Variants in RYR2 observed in about 807,000 individuals in gnomAD.
RYR2 encodes ryanodine receptor 2, also known as cardiac muscle ryanodine receptor-calcium release channel.
A neutral mutation model predicts 601.1 loss-of-function variants in RYR2; 227 were observed. The ratio of observed to expected loss-of-function variants is 0.38; its 90% confidence interval spans 0.34 to 0.42. RYR2 has a LOEUF of 0.42. Among genes scored for constraint, RYR2 ranks in the 10% least tolerant of loss-of-function variants. The probability of loss-of-function intolerance (pLI) is 1.00; values close to 1 mark genes in which losing one functional copy is unlikely to be tolerated. For missense variants in RYR2, 4,646 were observed against 6,156.5 expected, an observed-to-expected ratio of 0.75 and a Z score of 8.21; for synonymous variants, 2,223 against 2,175.1, an observed-to-expected ratio of 1.02 and a Z score of -0.61.
chr1:237,329,297 C>T (rs1366590095), intron 2 of RYR2, among the ~76,000 whole-genome samples: 1 of 152,026 alleles, frequency 6.6e-6, no homozygotes, highest in Non-Finnish European at 1.5e-5. Flanking sequence ...TTCCTCCTGC[C>T]TCAGCCCTCT....
At chr1:237,367,388 G>A (rs1402261794) in intron 5 of RYR2, among the ~76,000 whole-genome samples, 1 of 130,956 alleles carries the variant, frequency 7.6e-6, no homozygotes, top group East Asian at 2.4e-4. Context: ...CACTGCGTCT[G>A]GCCCCCCAAA....
chr1:237,749,360 T>C (rs1410131502), intron 80 of RYR2, among the ~76,000 whole-genome samples: 1 of 152,198 alleles, frequency 6.6e-6, no homozygotes, highest in African/African-American at 2.4e-5. Context: ...AGGGTTGTTA[T>C]GAGGACTAAA....
intron 4 of RYR2, among the ~76,000 whole-genome samples, chr1:237,361,102 A>G (rs1699750468): frequency 2.0e-5 from 3 of 152,186 alleles, no homozygotes. Context: ...CTGGCCTCCC[A>G]AAGTGCTGGG....
intron 100 of RYR2, among the ~76,000 whole-genome samples, chr1:237,817,652 G>C (rs1661982786): frequency 6.6e-6 from 1 of 152,186 alleles, no homozygotes; most frequent in East Asian, 1.9e-4. Context: ...AACTGGGAAA[G>C]GTCCCCCAAG....
At chr1:237,565,161 T>C (rs867729869) in intron 27 of RYR2, among the ~76,000 whole-genome samples, 1,537 of 25,228 alleles carry the variant, frequency 0.061, 12 homozygotes, top group East Asian at 0.1. Flanking sequence ...TTCTTTCTCT[T>C]TCTTTCTTTC....
intron 1 of RYR2, among the ~76,000 whole-genome samples, chr1:237,148,521 AAAAAAAATATATATATAT>A (rs1450737099): frequency 2.3e-5 from 1 of 44,004 alleles, no homozygotes; most frequent in Non-Finnish European, 4.7e-5. Context: ...CAAGTAAAAA[AAAAAAAATATATATATAT>A]ATATATATAT....
chr1:237,434,963 A>G (rs1376024885), intron 12 of RYR2, among the ~76,000 whole-genome samples: 1 of 152,012 alleles, frequency 6.6e-6, no homozygotes, highest in African/African-American at 2.4e-5. Context: ...TTTAGTAGAG[A>G]CGGGGTTTCG....
At chr1:237,606,827 CTCA>C (rs578146712) in intron 35 of RYR2, among the ~76,000 whole-genome samples, 2 of 152,280 alleles carry the variant, frequency 1.3e-5, no homozygotes, top group Admixed American at 1.3e-4. Context: ...CGAAAAAATG[CTCA>C]TCATCAATGG....
intron 48 of RYR2, among the ~76,000 whole-genome samples, chr1:237,643,929 T>A (rs1340729050): frequency 6.6e-6 from 1 of 152,160 alleles, no homozygotes; most frequent in East Asian, 1.9e-4. Flanking sequence ...TCCATTGTTT[T>A]TAAAGCTCAT....
chr1:237,747,029 C>T (rs1225129057), intron 80 of RYR2, among the ~76,000 whole-genome samples: 1 of 151,942 alleles, frequency 6.6e-6, no homozygotes, highest in Admixed American at 6.6e-5. Context: ...TCTTTTATTG[C>T]TCTTCTCTAA....
At chr1:237,795,363 T>G in intron 96 of RYR2, 32 bp downstream of exon 96, 1 of 1,157,244 alleles carries the variant, frequency 8.6e-7, no homozygotes, top group Non-Finnish European at 1.2e-6. Context: ...TACATTTTTC[T>G]TAAAGCACAG....
rs370384210 is a variant in RYR2, at chr1:237,271,148, T to C, written c.168+532T>C. ...TTTTTTTTTTCCTCAAAGTGTTATC[T>C]CTTGCATTGATCATAAAGGGCAAAG... On this transcript the variant is annotated intron_variant, in intron 2 of 104. Transcript: ENST00000366574. 1.3e-4 allele frequency among the ~76,000 whole-genome samples: 20 copies of C among 152,224 alleles called. 1 individual carries two copies. The South Asian group carries it at 3.9e-3, about 30-fold the overall frequency.
rs1201517059 is a variant in RYR2, at chr1:237,126,765, TA to T, written c.48+84197del. ...AGACTTATGGAAAGAATTTTTATTT[TA>T]TTTTTTTTATTTATTTATTTTTTTA... is the stretch of plus-strand genomic sequence containing the variant. On this transcript the variant is annotated intron_variant, in intron 1 of 104. Coordinates refer to ENST00000366574, the MANE Select transcript of RYR2 (RefSeq NM_001035.3). 3.3e-5 allele frequency among the ~76,000 whole-genome samples: 5 copies of T among 152,130 alleles called. No individual in the cohort carries two copies. In the South Asian group the frequency reaches 6.2e-4, roughly 19 times the overall value.
intron 1 of RYR2, among the ~76,000 whole-genome samples, chr1:237,134,357 A>C (rs1672518493): frequency 6.6e-6 from 1 of 152,180 alleles, no homozygotes; most frequent in Admixed American, 6.5e-5. Context: ...TTTACAAAGG[A>C]AAGAGGTTTA....
intron 54 of RYR2, among the ~76,000 whole-genome samples, chr1:237,659,574 T>TG (rs948462329): frequency 2.0e-5 from 3 of 152,202 alleles, no homozygotes; most frequent in Non-Finnish European, 4.4e-5. Context: ...ACTTCATAGG[T>TG]GGGGTCCCAA....
intron 101 of RYR2, 75 bp from the exon 102 acceptor site, chr1:237,828,306 C>G: frequency 9.5e-7 from 1 of 1,056,828 alleles, no homozygotes; most frequent in Non-Finnish European, 1.4e-6. Flanking sequence ...CTCCCCTTTC[C>G]CTGGGGGGAT....
intron 3 of RYR2, among the ~76,000 whole-genome samples, chr1:237,341,464 G>GCATT (rs1356048436): frequency 6.6e-6 from 1 of 152,058 alleles, no homozygotes; most frequent in Non-Finnish European, 1.5e-5. Context: ...ACTCCTTCCT[G>GCATT]CATTTTTTTG....
chr1:237,132,631 A>G (rs887535168), intron 1 of RYR2, among the ~76,000 whole-genome samples: 10 of 152,204 alleles, frequency 6.6e-5, no homozygotes, highest in Admixed American at 2.0e-4. Flanking sequence ...TGAACATCAC[A>G]TCTGAGATAT....
intron 1 of RYR2, among the ~76,000 whole-genome samples, chr1:237,200,119 A>T (rs1168406199): frequency 6.6e-6 from 1 of 152,154 alleles, no homozygotes. Flanking sequence ...ATTTACCCAA[A>T]ATCACATACC....
Sources: gnomAD v4.1 joint callset for allele counts (sites outside exome capture counted in the v4.1 genomes callset) on GRCh38, gnomAD v4.1.1 for gene constraint, MANE v1.5 for transcripts, NCBI Gene and HGNC (gene_info 2026-07-23, HGNC 2026-07-21) for gene names.